Variants in FAM78B observed in about 807,000 individuals in gnomAD.
FAM78B encodes the protein family with sequence similarity 78 member B, also known as protein FAM78B.
In FAM78B, 10 loss-of-function variants were observed where a neutral mutation model predicts 20.0. That is an observed-to-expected ratio of 0.50 (90% CI 0.31 to 0.85). FAM78B has a LOEUF of 0.85. Among genes scored for constraint, FAM78B ranks in the 40% least tolerant of loss-of-function variants. FAM78B has a pLI of 0.05. For missense variants in FAM78B, 283 were observed against 345.0 expected (o/e 0.82, Z 1.42); for synonymous variants, 135 against 132.8 (o/e 1.02, Z -0.12).
chr1:166,109,876 ATATATGTATATATG>A (rs1442931606), intron 1 of FAM78B, among the ~76,000 whole-genome samples: 639 of 16,212 alleles, frequency 0.039, 73 homozygotes, highest in Non-Finnish European at 0.05. Context: ...GTGTATATAT[ATATATGTATATATG>A]TATATATATA....
At chr1:166,123,025 A>T (rs1451729887) in intron 1 of FAM78B, among the ~76,000 whole-genome samples, 2 of 152,220 alleles carry the variant, frequency 1.3e-5, no homozygotes, top group African/African-American at 2.4e-5. Flanking sequence ...TACTCTAAGA[A>T]AGGCAGGAAA....
intron 1 of FAM78B, among the ~76,000 whole-genome samples, chr1:166,080,511 T>G (rs958599248): frequency 3.3e-5 from 5 of 152,258 alleles, no homozygotes; most frequent in African/African-American, 1.2e-4. Flanking sequence ...TGAGAGTCTG[T>G]GGTCTAACCG....
Position 166,108,399 on chromosome 1 carries a change from T to A in FAM78B, c.264-37636A>T, listed in dbSNP as rs541275255. 2.6e-5 allele frequency among the ~76,000 whole-genome samples: 4 copies of A among 152,038 alleles called. No individual in the cohort carries two copies. In the East Asian group the frequency reaches 7.7e-4, roughly 29 times the overall value. On this transcript the variant is annotated intron_variant, in intron 1 of 1. Transcript: ENST00000354422. Reference sequence around the variant, plus strand: ...AGAACTCAACCCCTTTTACAATAGCTACAAAAATAAGTAAATAAAAAATAA... The same window carrying A: ...AGAACTCAACCCCTTTTACAATAGCAACAAAAATAAGTAAATAAAAAATAA...
chr1:166,131,487 G>A lies in FAM78B; in HGVS notation c.263+34499C>T, dbSNP rs183528726. Among the ~76,000 whole-genome samples the A allele has an allele frequency of 1.6e-3, 238 of 152,264 alleles. 1 individual carries two copies. Among genetic ancestry groups the A allele is most frequent in the African/African-American group, 5.4e-3 (224 of 41,556 alleles). On this transcript the variant is annotated intron_variant, in intron 1 of 1. Coordinates refer to ENST00000354422, the MANE Select transcript of FAM78B (RefSeq NM_001017961.5). ...GAGAGCAAACTACCTCACAGTAGTG[G>A]GCAGCTGAACCCTCCAACAGACAGT...
chr1:166,084,092 T>C (rs1034868451), intron 1 of FAM78B, among the ~76,000 whole-genome samples: 6 of 152,042 alleles, frequency 3.9e-5, no homozygotes, highest in Non-Finnish European at 7.4e-5. Flanking sequence ...GATTCATTCA[T>C]GGCATGCACC....
downstream of FAM78B, among the ~76,000 whole-genome samples, chr1:166,064,335 A>C (rs1429997689): frequency 6.6e-6 from 1 of 152,122 alleles, no homozygotes; most frequent in East Asian, 1.9e-4. Context: ...TAAAACTTTG[A>C]ATATATATAT....
rs185855071 is a variant in FAM78B, at chr1:166,063,776, C to T, written c.*410-3113G>A. On this transcript the variant is annotated intron_variant and NMD_transcript_variant, in intron 2 of 2. Transcript: ENST00000435676. Reference sequence around the variant, plus strand: ...GGTCCATGTGGCACTGGGTTGTGCTCTGTGTCTCTGGCCTCTCCCATCATT... The same window carrying T: ...GGTCCATGTGGCACTGGGTTGTGCTTTGTGTCTCTGGCCTCTCCCATCATT... 1.5e-4 allele frequency among the ~76,000 whole-genome samples: 23 copies of T among 152,330 alleles called. No individual in the cohort carries two copies. In the East Asian group the frequency reaches 2.7e-3, roughly 18 times the overall value.
At chr1:166,083,228 C>T (rs1011773715) in intron 1 of FAM78B, among the ~76,000 whole-genome samples, 1 of 152,138 alleles carries the variant, frequency 6.6e-6, no homozygotes, top group Non-Finnish European at 1.5e-5. Flanking sequence ...TAGGAGTTTT[C>T]TCTTTATTTT....
At chr1:166,129,534 T>C (rs1043911731) in intron 1 of FAM78B, among the ~76,000 whole-genome samples, 3 of 152,232 alleles carry the variant, frequency 2.0e-5, no homozygotes, top group African/African-American at 7.2e-5. Context: ...TGGATGTGGA[T>C]GAATTTAGGA....
At chr1:166,072,958 A>G (rs762014372) in intron 1 of FAM78B, among the ~76,000 whole-genome samples, 22 of 152,190 alleles carry the variant, frequency 1.4e-4, no homozygotes, top group Non-Finnish European at 2.5e-4. Flanking sequence ...GAGCTGTGTG[A>G]GCAGAGACTT....
intron 1 of FAM78B, among the ~76,000 whole-genome samples, chr1:166,156,858 G>A (rs1655916148): frequency 6.6e-6 from 1 of 151,994 alleles, no homozygotes; most frequent in African/African-American, 2.4e-5. Context: ...GAGTGATACT[G>A]TTACCAAAGA....
Position 166,088,285 on chromosome 1 carries a change from C to T in FAM78B, c.264-17522G>A, listed in dbSNP as rs951784722. Among the ~76,000 whole-genome samples the T allele has an allele frequency of 2.6e-5, 4 of 152,210 alleles. No homozygotes were observed. In the South Asian group the frequency reaches 6.2e-4, roughly 24 times the overall value. On this transcript the variant is annotated intron_variant, in intron 1 of 1. Transcript: ENST00000354422. ...TCGTCTGTATTCAGGAGCCCATCAACGCTGCATGGGAACTGCTGTGGATTC... is the reference window on the plus strand; with the variant it reads ...TCGTCTGTATTCAGGAGCCCATCAATGCTGCATGGGAACTGCTGTGGATTC...
downstream of FAM78B, among the ~76,000 whole-genome samples, chr1:166,066,022 G>A (rs1447538559): frequency 2.6e-5 from 4 of 152,182 alleles, no homozygotes; most frequent in African/African-American, 9.7e-5. Context: ...TAACAAGCAC[G>A]TTCAATGTGC....
At chr1:166,092,031 C>T (rs1417941352) in intron 1 of FAM78B, among the ~76,000 whole-genome samples, 1 of 47,826 alleles carries the variant, frequency 2.1e-5, no homozygotes, top group African/African-American at 7.7e-5. Context: ...ATTGAGCCAT[C>T]ATTTTTTTTT....
Position 166,091,708 on chromosome 1 carries a change from T to C in FAM78B, c.264-20945A>G, listed in dbSNP as rs1354218272. Among the ~76,000 whole-genome samples, 4 of 152,222 alleles carry C rather than the reference T, an allele frequency of 2.6e-5. No homozygotes were observed. In the East Asian group the frequency reaches 7.7e-4, roughly 29 times the overall value. On this transcript the variant is annotated intron_variant, in intron 1 of 1. Coordinates refer to ENST00000354422, the MANE Select transcript of FAM78B (RefSeq NM_001017961.5). The stretch of plus-strand genomic sequence containing the variant: ...CTCCATAAGGATTTGGAGGCTGAAT[T>C]CATGGGAAGGTAACCATAACCAGAT...
At chr1:166,145,035 T>G (rs1385925421) in intron 1 of FAM78B, among the ~76,000 whole-genome samples, 1 of 152,130 alleles carries the variant, frequency 6.6e-6, no homozygotes, top group African/African-American at 2.4e-5. Context: ...CAGTCCCCAG[T>G]TCCTTGAATC....
At chr1:166,128,443 T>A (rs1207077514) in intron 1 of FAM78B, among the ~76,000 whole-genome samples, 7 of 152,204 alleles carry the variant, frequency 4.6e-5, no homozygotes, top group African/African-American at 1.4e-4. Flanking sequence ...CTGAATCACA[T>A]CCCTCCCTCT....
chr1:166,166,288 G>T lies in FAM78B; in HGVS notation c.-40C>A, dbSNP rs1656377818. 3 of 1,207,076 alleles carry T rather than the reference G, an allele frequency of 2.5e-6. No individual in the cohort carries two copies. In the East Asian group the frequency reaches 1.0e-4, roughly 41 times the overall value. 74.8% of individuals were successfully genotyped at this position (1,207,076 alleles called of 1,614,324 possible). On this transcript the variant is annotated 5_prime_UTR_variant, in exon 1 of 2. Transcript: ENST00000354422. ...CCGGCACGGCGCGGCGTGGGGCAGCGCGGGGGCCCGCGCGGGCAGCCGGGG... is the reference window on the plus strand; with the variant it reads ...CCGGCACGGCGCGGCGTGGGGCAGCTCGGGGGCCCGCGCGGGCAGCCGGGG...
chr1:166,070,366 G>C lies in FAM78B; in HGVS notation c.661C>G (p.Arg221Gly). ...LVGRTQQEQP[R>G]ILSRMEPIPP... ...ATGGGTTCCATCCGGCTCAGGATCC[G>C]GGGCTGCTCCTGCTGAGTCCTGCCC... is the stretch of plus-strand genomic sequence containing the variant. Residue 221 changes from arginine to glycine, a missense_variant, in exon 2 of 2, where the codon CGG (arginine) becomes GGG (glycine). Transcript: ENST00000354422. The C allele has an allele frequency of 6.2e-7, 1 of 1,613,636 alleles. No individual in the cohort carries two copies. The highest frequency in any genetic ancestry group is 8.5e-7 in the Non-Finnish European group (1 of 1,179,730).
Sources: gnomAD v4.1 joint callset for allele counts (sites outside exome capture counted in the v4.1 genomes callset) on GRCh38, gnomAD v4.1.1 for gene constraint, MANE v1.5 for transcripts, NCBI Gene and HGNC (gene_info 2026-07-23, HGNC 2026-07-21) for gene names.